Variants in ADAMTS14 observed in about 807,000 individuals in gnomAD.
The protein encoded by ADAMTS14 is ADAM metallopeptidase with thrombospondin type 1 motif 14.
Under a neutral mutation model 128.6 loss-of-function variants are expected in ADAMTS14, and 100 were observed. That is an observed-to-expected ratio of 0.78 (90% confidence interval 0.66 to 0.92). The LOEUF is 0.92. Ranked by LOEUF, ADAMTS14 falls within the 40% of genes least tolerant of loss-of-function variation. The probability of loss-of-function intolerance (pLI) is 0.00; values close to 1 mark genes in which losing one functional copy is unlikely to be tolerated. For missense variants in ADAMTS14, 1,562 were observed against 1,658.6 expected (o/e 0.94, Z 1.01); for synonymous variants, 665 against 653.8 (o/e 1.02, Z -0.26).
intron 2 of ADAMTS14, among the ~76,000 whole-genome samples, chr10:70,700,092 A>G (rs1589275695): frequency 1.3e-5 from 2 of 152,092 alleles, no homozygotes; most frequent in Non-Finnish European, 2.9e-5. Context: ...TCACGGCAAC[A>G]AAGCTGCGGT....
At chr10:70,725,543 A>G (rs1409656138) in intron 4 of ADAMTS14, among the ~76,000 whole-genome samples, 3 of 152,180 alleles carry the variant, frequency 2.0e-5, no homozygotes, top group Non-Finnish European at 4.4e-5. Context: ...TCTGGTTCAT[A>G]GATGGTGACT....
chr10:70,692,239 T>C (rs1230212327), intron 2 of ADAMTS14, among the ~76,000 whole-genome samples: 2 of 152,082 alleles, frequency 1.3e-5, no homozygotes, highest in African/African-American at 4.8e-5. Context: ...GTAGCTGGGG[T>C]CAGGTCTTTC....
At chr10:70,727,209 G>C (rs868126609) in intron 4 of ADAMTS14, among the ~76,000 whole-genome samples, 24 of 152,366 alleles carry the variant, frequency 1.6e-4, no homozygotes, top group Non-Finnish European at 2.9e-4. Context: ...CAGCCTGGCT[G>C]CCTCCTTGGC....
At chr10:70,744,212 G>T (rs1032390743) in intron 14 of ADAMTS14, 23 bp downstream of exon 14, 3 of 1,499,276 alleles carry the variant, frequency 2.0e-6, no homozygotes, top group Middle Eastern at 1.8e-4. Context: ...GGGGCTGGGG[G>T]GATGACGAGG....
chr10:70,749,859 C>A lies in ADAMTS14; in HGVS notation c.2301C>A (p.Asn767Lys). ...AGGTCACCGGCAGCTTCATCCTCAACCCCAAGGGCAAGGAAGCCACAAGCC... is the reference window on the plus strand; with the variant it reads ...AGGTCACCGGCAGCTTCATCCTCAAACCCAAGGGCAAGGAAGCCACAAGCC... ...KNQVTGSFIL[N>K]PKGKEATSRT... Residue 767 changes from asparagine to lysine, a missense_variant, in exon 16 of 22, where the codon AAC (asparagine) becomes AAA (lysine). Coordinates refer to ENST00000373207, the MANE Select transcript of ADAMTS14 (RefSeq NM_080722.4). 1 of 1,614,072 alleles carries A rather than the reference C, an allele frequency of 6.2e-7. No homozygotes were observed. Among genetic ancestry groups the A allele is most frequent in the Non-Finnish European group, 8.5e-7 (1 of 1,180,026 alleles).
chr10:70,747,691 G>A (rs532220286), intron 15 of ADAMTS14, among the ~76,000 whole-genome samples: 51 of 152,312 alleles, frequency 3.3e-4, no homozygotes, highest in Non-Finnish European at 6.0e-4. Flanking sequence ...GGCCGAGTGC[G>A]GGCTTGCTTG....
chr10:70,759,495 T>C (rs1842557757), intron 21 of ADAMTS14, among the ~76,000 whole-genome samples: 1 of 152,192 alleles, frequency 6.6e-6, no homozygotes, highest in South Asian at 2.1e-4. Flanking sequence ...AGCACTTATC[T>C]TTGCCAGGTG....
At chr10:70,675,111 C>G (rs1387626931) in intron 2 of ADAMTS14, 116 bp downstream of exon 2, 15 of 1,296,860 alleles carry the variant, frequency 1.2e-5, no homozygotes, top group Non-Finnish European at 1.5e-5. Context: ...GGTGGTGCTG[C>G]CTTCCAGAGG....
chr10:70,743,447 G>C lies in ADAMTS14; in HGVS notation c.1925-101G>C, dbSNP rs1016558113. 2.8e-6 allele frequency: 4 copies of C among 1,423,924 alleles called. No individual in the cohort carries two copies. In the East Asian group the frequency reaches 7.9e-5, roughly 28 times the overall value. 88.2% of individuals were successfully genotyped at this position (1,423,924 alleles called of 1,614,324 possible). A position where few individuals can be genotyped will look rare whatever the true frequency, so the allele number is the denominator to read the frequency against. On this transcript the variant is annotated intron_variant, in intron 12 of 21. Coordinates refer to ENST00000373207, the MANE Select transcript of ADAMTS14 (RefSeq NM_080722.4). Reference sequence around the variant, plus strand: ...CACCCAGTGCTCCCCCAACTGTCCAGAGCTGGCCCCGGAGCTTTCTGGCTG... The same window carrying C: ...CACCCAGTGCTCCCCCAACTGTCCACAGCTGGCCCCGGAGCTTTCTGGCTG...
intron 4 of ADAMTS14, among the ~76,000 whole-genome samples, chr10:70,726,859 G>A (rs1226428475): frequency 1.3e-5 from 2 of 152,208 alleles, no homozygotes; most frequent in African/African-American, 4.8e-5. Flanking sequence ...ACGCATTGGA[G>A]CACTTTACTC....
At chr10:70,727,855 G>A (rs1280563866) in intron 4 of ADAMTS14, among the ~76,000 whole-genome samples, 1 of 152,202 alleles carries the variant, frequency 6.6e-6, no homozygotes, top group Admixed American at 6.5e-5. Flanking sequence ...CAGCACTTTG[G>A]GAGGCTGAGG....
intron 15 of ADAMTS14, among the ~76,000 whole-genome samples, chr10:70,748,703 G>T (rs16927877): frequency 1.4e-5 from 2 of 146,080 alleles, no homozygotes; most frequent in Non-Finnish European, 3.0e-5. Context: ...AACTGAAGCA[G>T]TTGGCAGAGT....
At chr10:70,683,255 G>A (rs1031685649) in intron 2 of ADAMTS14, among the ~76,000 whole-genome samples, 1 of 152,204 alleles carries the variant, frequency 6.6e-6, no homozygotes, top group Non-Finnish European at 1.5e-5. Flanking sequence ...CTGTCTTCAG[G>A]GTGCACACCC....
At chr10:70,755,991 A>T (rs187493968) in intron 19 of ADAMTS14, among the ~76,000 whole-genome samples, 378 of 152,380 alleles carry the variant, frequency 2.5e-3, no homozygotes, top group Middle Eastern at 6.8e-3. Flanking sequence ...TCTATAGAAG[A>T]TTGGACAAAA....
intron 3 of ADAMTS14, among the ~76,000 whole-genome samples, chr10:70,707,030 T>G (rs1464873492): frequency 6.6e-6 from 1 of 152,228 alleles, no homozygotes; most frequent in African/African-American, 2.4e-5. Flanking sequence ...GGTTATCTCC[T>G]GCTCTCTGTT....
Position 70,757,963 on chromosome 10 carries a change from G to A in ADAMTS14, c.2939G>A (p.Cys980Tyr), listed in dbSNP as rs1398832286. The A allele has an allele frequency of 2.5e-6, 4 of 1,608,736 alleles. No homozygotes were observed. The highest frequency in any genetic ancestry group is 3.4e-6 in the Non-Finnish European group (4 of 1,177,872). ...AQWRLGAWSQ[C>Y]SATCGEGIQQ... ...CTGGCACTGACCCACCCACGGCAGT[G>A]CTCTGCCACCTGTGGAGAGGGCATC... Residue 980 changes from cysteine to tyrosine, a missense_variant and splice_region_variant, in exon 20 of 22, where the codon TGC (cysteine) becomes TAC (tyrosine). Cys to Tyr is a radical substitution (Grantham distance 194, BLOSUM62 -2). Coordinates refer to ENST00000373207, the MANE Select transcript of ADAMTS14 (RefSeq NM_080722.4).
chr10:70,757,912 A>C (rs777438562), intron 19 of ADAMTS14, 50 bp from the exon 20 acceptor site: 5 of 1,542,852 alleles, frequency 3.2e-6, no homozygotes, highest in Non-Finnish European at 3.5e-6. Flanking sequence ...TCTTCTCTCC[A>C]CCTACCCTGA....
At chr10:70,708,495 C>T in intron 3 of ADAMTS14, 93 bp from the exon 4 acceptor site, 1 of 1,134,216 alleles carries the variant, frequency 8.8e-7, no homozygotes, top group Non-Finnish European at 1.3e-6. Context: ...GAAAGGGGCA[C>T]CAGTGATGGG....
At chr10:70,741,267 A>G in intron 12 of ADAMTS14, 105 bp downstream of exon 12, 3 of 1,378,220 alleles carry the variant, frequency 2.2e-6, no homozygotes, top group Admixed American at 4.2e-5. Flanking sequence ...GTGAAGGTGG[A>G]GGGACAGTGG....
Sources: gnomAD v4.1 joint callset for allele counts (sites outside exome capture counted in the v4.1 genomes callset) on GRCh38, gnomAD v4.1.1 for gene constraint, MANE v1.5 for transcripts, NCBI Gene and HGNC (gene_info 2026-07-23, HGNC 2026-07-21) for gene names.